The following SLC44A5 variants were observed in gnomAD, a reference collection of about 807,000 sequenced individuals.
SLC44A5 encodes the protein solute carrier family 44 member 5.
A neutral mutation model predicts 101.8 loss-of-function variants in SLC44A5; 57 were observed. The ratio of observed to expected loss-of-function variants is 0.56; its 90% CI spans 0.45 to 0.70. The LOEUF (loss-of-function observed/expected upper bound fraction) is 0.70, where lower values mean the gene tolerates loss of function less well. SLC44A5 is among the 30% of genes least tolerant of loss of function. The probability of loss-of-function intolerance (pLI) is 0.00; values close to 1 mark genes in which losing one functional copy is unlikely to be tolerated. For missense variants in SLC44A5, 737 were observed against 853.1 expected, an observed-to-expected ratio of 0.86 and a Z score of 1.70; for synonymous variants, 281 against 290.9, an observed-to-expected ratio of 0.97 and a Z score of 0.35.
intron 4 of SLC44A5, among the ~76,000 whole-genome samples, chr1:75,322,704 C>T (rs964579418): frequency 1.3e-5 from 2 of 152,148 alleles, no homozygotes; most frequent in Admixed American, 1.3e-4. Context: ...CTTGCTTCCT[C>T]ACTCAGCAAA....
intron 10 of SLC44A5, among the ~76,000 whole-genome samples, chr1:75,237,589 C>G (rs759164046): frequency 3.3e-5 from 5 of 152,096 alleles, no homozygotes. Context: ...CAACACCTCT[C>G]CCTTCCTCAA....
At chr1:75,505,615 C>A (rs943288303) in intron 2 of SLC44A5, among the ~76,000 whole-genome samples, 1 of 152,082 alleles carries the variant, frequency 6.6e-6, no homozygotes, top group Non-Finnish European at 1.5e-5. Context: ...CGGTATGGAG[C>A]ATTTATTCAT....
At chr1:75,642,107 A>T in the SLC44A5 span, 1 of 1,138,662 alleles carries the variant, frequency 8.8e-7, no homozygotes, top group Non-Finnish European at 1.3e-6. Flanking sequence ...TATTTGATGT[A>T]GATATAATTG....
At chr1:75,529,783 T>C (rs1004847827) in intron 2 of SLC44A5, among the ~76,000 whole-genome samples, 2 of 152,184 alleles carry the variant, frequency 1.3e-5, no homozygotes, top group Non-Finnish European at 2.9e-5. Flanking sequence ...ACTAATCCCC[T>C]CTAGAAGTCT....
rs143374714 is a variant in SLC44A5 at position 75,578,118 on chromosome 1, A to G, written c.-70+32922T>C. On this transcript the variant is annotated intron_variant, in intron 1 of 23. Coordinates refer to ENST00000370859, the MANE Select transcript of SLC44A5 (RefSeq NM_001130058.2). ...AATAGCTTTTAAATAAATATTTTAT[A>G]CTCCTTAAACAATCCATAAATACAG... 1.5e-3 allele frequency among the ~76,000 whole-genome samples: 235 copies of G among 152,120 alleles called. 1 individual carries two copies. The highest frequency in any genetic ancestry group is 5.3e-3 in the African/African-American group (220 of 41,544).
chr1:75,602,762 T>G (rs1267845404), intron 1 of SLC44A5, among the ~76,000 whole-genome samples: 1 of 152,150 alleles, frequency 6.6e-6, no homozygotes, highest in Non-Finnish European at 1.5e-5. Context: ...AAGGTGCTGT[T>G]AATACTAGTT....
At chr1:75,411,950 A>T (rs149877050) in intron 2 of SLC44A5, among the ~76,000 whole-genome samples, 11 of 152,228 alleles carry the variant, frequency 7.2e-5, no homozygotes, top group African/African-American at 2.6e-4. Flanking sequence ...TTGAATGACA[A>T]TTCGCTATGA....
intron 3 of SLC44A5, among the ~76,000 whole-genome samples, chr1:75,345,830 G>C (rs1658212568): frequency 6.6e-6 from 1 of 152,068 alleles, no homozygotes; most frequent in Admixed American, 6.6e-5. Context: ...CAACATAATT[G>C]TTATGTGTTT....
chr1:75,634,440 G>C, the SLC44A5 span, among the ~76,000 whole-genome samples: 4 of 151,872 alleles, frequency 2.6e-5, no homozygotes, highest in African/African-American at 7.3e-5. Flanking sequence ...AACCAAAACA[G>C]CATGGTACTG....
chr1:75,679,292 C>G, the SLC44A5 span, among the ~76,000 whole-genome samples: 6 of 152,242 alleles, frequency 3.9e-5, no homozygotes, highest in African/African-American at 1.4e-4. Context: ...AGAAGAGCAA[C>G]TCCAAGACAT....
rs1267603380 is a variant in SLC44A5, at chr1:75,611,103, C to T, written c.-133G>A. The T allele has an allele frequency of 4.1e-6, 4 of 985,074 alleles. No individual in the cohort carries two copies. Among genetic ancestry groups the T allele is most frequent in the South Asian group, 4.7e-5 (1 of 21,282 alleles). 61.0% of individuals were successfully genotyped at this position (985,074 alleles called of 1,614,324 possible). A position where few individuals can be genotyped will look rare whatever the true frequency, so the allele number is the denominator to read the frequency against. ...TGAACCTTCTAACTCTAACATGCTACGATTCACTACTGTGAAAAAAAAGCT... is the reference window on the plus strand; with the variant it reads ...TGAACCTTCTAACTCTAACATGCTATGATTCACTACTGTGAAAAAAAAGCT... On this transcript the variant is annotated 5_prime_UTR_variant, in exon 1 of 24. Transcript: ENST00000370859.
rs566440021 is a variant in SLC44A5, at chr1:75,569,238, C to CT, written c.-69-27723dup. On this transcript the variant is annotated intron_variant, in intron 1 of 23. Transcript: ENST00000370859. ...AGCCCAATGACACATTCATCTCTAC[C>CT]TTTTTTTTTTTTTTTTTTTTGAGAC... Among the ~76,000 whole-genome samples the CT allele has an allele frequency of 9.6e-3, 1,086 of 112,848 alleles. 21 individuals carry two copies. Among genetic ancestry groups the CT allele is most frequent in the African/African-American group, 0.022 (665 of 29,970 alleles). The allele number at this position is 112,848 out of a possible 152,430, so 74.0% of individuals were successfully genotyped here. A position where few individuals can be genotyped will look rare whatever the true frequency, so the allele number is the denominator to read the frequency against.
At chr1:75,402,363 A>G in intron 2 of SLC44A5, 2 of 293,890 alleles carry the variant, frequency 6.8e-6, no homozygotes, top group Non-Finnish European at 1.4e-5. Flanking sequence ...GAAACAGATG[A>G]CATTTGAAAT....
chr1:75,487,440 C>T (rs1201901232), intron 2 of SLC44A5, among the ~76,000 whole-genome samples: 2 of 152,144 alleles, frequency 1.3e-5, no homozygotes, highest in African/African-American at 2.4e-5. Context: ...GAGTTTGGCA[C>T]TTTCAAACAA....
At chr1:75,628,323 C>T in the SLC44A5 span, among the ~76,000 whole-genome samples, 3 of 152,184 alleles carry the variant, frequency 2.0e-5, no homozygotes, top group East Asian at 3.9e-4. Context: ...AGTTCCCAAA[C>T]CTAAAATGAA....
chr1:75,338,628 A>C (rs1657629024), intron 4 of SLC44A5, among the ~76,000 whole-genome samples: 2 of 152,218 alleles, frequency 1.3e-5, no homozygotes, highest in Admixed American at 6.6e-5. Flanking sequence ...GAGAATGGAG[A>C]GGTTTTGGAC....
At chr1:75,539,840 G>T (rs1489055555) in intron 2 of SLC44A5, among the ~76,000 whole-genome samples, 1 of 152,116 alleles carries the variant, frequency 6.6e-6, no homozygotes, top group Non-Finnish European at 1.5e-5. Context: ...GATGATGAAA[G>T]GTGTGATATC....
At chr1:75,310,723 T>G (rs1050707721) in intron 4 of SLC44A5, among the ~76,000 whole-genome samples, 9 of 152,278 alleles carry the variant, frequency 5.9e-5, no homozygotes, top group Middle Eastern at 6.8e-3. Context: ...CAACTATTAT[T>G]AAATACTAAA....
intron 3 of SLC44A5, among the ~76,000 whole-genome samples, chr1:75,358,525 A>G (rs1181106872): frequency 1.3e-5 from 2 of 152,170 alleles, no homozygotes; most frequent in Non-Finnish European, 2.9e-5. Flanking sequence ...AATAACTACT[A>G]CAATCATACT....
Sources: gnomAD v4.1 joint callset for allele counts (sites outside exome capture counted in the v4.1 genomes callset) on GRCh38, gnomAD v4.1.1 for gene constraint, MANE v1.5 for transcripts, NCBI Gene and HGNC (gene_info 2026-07-23, HGNC 2026-07-21) for gene names.